The following SLC20A2 variants were observed in gnomAD, a reference collection of about 807,000 sequenced individuals.
SLC20A2 encodes solute carrier family 20 member 2.
In SLC20A2, 30 loss-of-function variants were observed where a neutral mutation model predicts 61.0. The ratio of observed to expected loss-of-function variants is 0.49; its 90% CI spans 0.37 to 0.67. SLC20A2 has a LOEUF of 0.67. SLC20A2 is among the 30% of genes least tolerant of loss of function. The pLI is 0.00. For missense variants in SLC20A2, 626 were observed against 866.4 expected, an observed-to-expected ratio of 0.72 and a Z score of 3.48; for synonymous variants, 351 against 353.3, an observed-to-expected ratio of 0.99 and a Z score of 0.07.
intron 1 of SLC20A2, among the ~76,000 whole-genome samples, chr8:42,493,061 A>G (rs1487131711): frequency 6.6e-6 from 1 of 152,218 alleles, no homozygotes; most frequent in Admixed American, 6.5e-5. Flanking sequence ...CAATGCCCAA[A>G]GGAAACCTAG....
chr8:42,534,968 G>A (rs1052872883), intron 1 of SLC20A2: 5 of 152,094 alleles, frequency 3.3e-5, no homozygotes, highest in Admixed American at 1.3e-4. Flanking sequence ...ACACAAAAGC[G>A]GATGGGTTAA....
rs184736806 is a variant in SLC20A2 at position 42,490,143 on chromosome 8, C to G, written c.-265+10888G>C. 1.4e-4 allele frequency among the ~76,000 whole-genome samples: 22 copies of G among 152,294 alleles called. No individual in the cohort carries two copies. In the East Asian group the frequency reaches 3.7e-3, roughly 25 times the overall value. On this transcript the variant is annotated intron_variant, in intron 1 of 10. Transcript: ENST00000520262. ...GAGATAGAAAATAAAAGCTTTCTTA[C>G]ACCATTGGTCACTGAGGATAATTTC...
chr8:42,434,579 TCCCATCTCTGAGAGACAC>T (rs1394055852), intron 8 of SLC20A2, among the ~76,000 whole-genome samples: 1 of 152,110 alleles, frequency 6.6e-6, no homozygotes, highest in Non-Finnish European at 1.5e-5. Context: ...GAGCATCAGA[TCCCATCTCTGAGAGACAC>T]CCGCCCCTGG....
chr8:42,475,198 C>T (rs1807969360), intron 1 of SLC20A2, among the ~76,000 whole-genome samples: 1 of 152,082 alleles, frequency 6.6e-6, no homozygotes, highest in African/African-American at 2.4e-5. Flanking sequence ...CGCCCAGGCT[C>T]AAGCGATCCT....
At chr8:42,486,898 GCT>G (rs1272847146) in intron 1 of SLC20A2, among the ~76,000 whole-genome samples, 1 of 151,512 alleles carries the variant, frequency 6.6e-6, no homozygotes, top group Non-Finnish European at 1.5e-5. Flanking sequence ...ACAGAGTCTC[GCT>G]CTGTTGCCCA....
chr8:42,484,599 C>G (rs1428523943), intron 1 of SLC20A2: 1 of 207,244 alleles, frequency 4.8e-6, no homozygotes, highest in East Asian at 1.2e-4. Flanking sequence ...TCTGTGCTTT[C>G]AAAGCTATCT....
rs192836303 is a variant in SLC20A2, at chr8:42,443,757, C to T, written c.730+889G>A. On this transcript the variant is annotated intron_variant, in intron 6 of 10. Transcript: ENST00000520262. ...AGTTCCTGAGCTGCCTTCTCCAACC[C>T]CCACCCATCCCAGGCGATCAGTGCT... 2.6e-5 allele frequency among the ~76,000 whole-genome samples: 4 copies of T among 152,234 alleles called. No homozygotes were observed. The East Asian group carries it at 7.7e-4, about 29-fold the overall frequency.
At chr8:42,514,890 G>C (rs1306711989) in intron 1 of SLC20A2, among the ~76,000 whole-genome samples, 1 of 152,174 alleles carries the variant, frequency 6.6e-6, no homozygotes, top group Non-Finnish European at 1.5e-5. Context: ...TGGTGTAAAG[G>C]CAGTGATGGA....
rs1586023289 is a variant in SLC20A2 at position 42,437,160 on chromosome 8, C to T, written c.1352G>A (p.Gly451Asp). 1 of 1,613,696 alleles carries T rather than the reference C, an allele frequency of 6.2e-7. No individual in the cohort carries two copies. ...CTCCGACGCCAGCTTCATCTCCACG[C>T]CGCCCTCCTCCGCCTCGATCTCCGC... is the stretch of plus-strand genomic sequence containing the variant. ...AEAEIEAEEG[G>D]VEMKLASELA... Residue 451 changes from glycine to aspartate, a missense_variant, in exon 8 of 11, where the codon GGC (glycine) becomes GAC (aspartate). Gly to Asp is a moderately conservative substitution (Grantham distance 94). This residue lies in a region of SLC20A2 where 361 missense variants were observed against 422.3 expected (regional missense o/e 0.85). Transcript: ENST00000520262. The surrounding 1 kb of genome is among the most constrained non-coding windows in gnomAD (Gnocchi z 6.4).
At chr8:42,436,967 A>G in intron 8 of SLC20A2, 22 bp downstream of exon 8, 1 of 1,565,018 alleles carries the variant, frequency 6.4e-7, no homozygotes, top group Non-Finnish European at 8.7e-7. Flanking sequence ...CCCTTGTTGA[A>G]TGAATGAATG....
At chr8:42,508,833 A>AT (rs1810872730) in intron 1 of SLC20A2, among the ~76,000 whole-genome samples, 1 of 152,216 alleles carries the variant, frequency 6.6e-6, no homozygotes. Flanking sequence ...CTTGATTGAG[A>AT]TTCAAGCTCC....
chr8:42,451,660 T>G (rs111065720), intron 5 of SLC20A2, among the ~76,000 whole-genome samples: 1,576 of 62,132 alleles, frequency 0.025, no homozygotes, highest in African/African-American at 0.067. Flanking sequence ...GAGGAAGAGA[T>G]AGAGGGGGAG....
intron 10 of SLC20A2, among the ~76,000 whole-genome samples, chr8:42,418,773 C>T (rs2057476234): frequency 1.3e-5 from 2 of 151,354 alleles, no homozygotes; most frequent in South Asian, 2.1e-4. Flanking sequence ...CTGAGGTGGG[C>T]GGATCACGAG....
intron 5 of SLC20A2, among the ~76,000 whole-genome samples, chr8:42,448,538 T>G (rs1175273992): frequency 6.6e-6 from 1 of 152,186 alleles, no homozygotes; most frequent in Non-Finnish European, 1.5e-5. Context: ...TCTCACCCTG[T>G]GCTTCGACTT....
At chr8:42,450,406 T>G (rs893377333) in intron 5 of SLC20A2, among the ~76,000 whole-genome samples, 2 of 152,012 alleles carry the variant, frequency 1.3e-5, no homozygotes, top group African/African-American at 4.8e-5. Context: ...TTTTGTATTT[T>G]TAGTAGAGAT....
chr8:42,490,363 C>T (rs1156276479), intron 1 of SLC20A2, among the ~76,000 whole-genome samples: 6 of 152,134 alleles, frequency 3.9e-5, no homozygotes, highest in African/African-American at 9.6e-5. Flanking sequence ...TTTGAGAGGC[C>T]GAGGCGGGTG....
At position 42,495,093 on chromosome 8, in the gene SLC20A2, G is replaced by A. The variant is rs1400562448; in HGVS notation, c.-265+5938C>T. Among the ~76,000 whole-genome samples, 6 of 151,650 alleles carry A rather than the reference G, an allele frequency of 4.0e-5. 1 individual carries two copies. The East Asian group carries it at 1.2e-3, about 29-fold the overall frequency. ...AATGGTCTCGATCTCCTGACCTCGT[G>A]ATCCACCCACCCTGGCCTCCCAAAG... On this transcript the variant is annotated intron_variant, in intron 1 of 10. Transcript: ENST00000520262.
chr8:42,434,689 G>T (rs568698604), intron 8 of SLC20A2, among the ~76,000 whole-genome samples: 1 of 152,218 alleles, frequency 6.6e-6, no homozygotes, highest in African/African-American at 2.4e-5. Flanking sequence ...CGTGCTGAAT[G>T]CATGGACGCC....
chr8:42,488,935 G>GT (rs34643152), intron 1 of SLC20A2, among the ~76,000 whole-genome samples: 3,020 of 83,498 alleles, frequency 0.036, 87 homozygotes, highest in Middle Eastern at 0.07. Context: ...TAGGAGTTTT[G>GT]TTTTTTTTTT....
Sources: allele counts gnomAD v4.1 joint callset (sites outside exome capture counted in the v4.1 genomes callset), GRCh38; gene constraint gnomAD v4.1.1; regional missense constraint gnomAD v4.1.1; non-coding constraint Gnocchi (gnomAD v3.1); transcripts MANE v1.5; gene names NCBI Gene and HGNC (gene_info 2026-07-23, HGNC 2026-07-21).